Variants in CEP131 observed in about 807,000 individuals in gnomAD.
CEP131 encodes centrosomal protein 131.
Under a neutral mutation model 136.8 loss-of-function variants are expected in CEP131, and 99 were observed. That is an observed-to-expected ratio of 0.72 (90% CI 0.62 to 0.86). The LOEUF (loss-of-function observed/expected upper bound fraction) is 0.86, where lower values mean the gene tolerates loss of function less well. CEP131 is among the 40% of genes least tolerant of loss of function. The probability of loss-of-function intolerance (pLI) is 0.00; values close to 1 mark genes in which losing one functional copy is unlikely to be tolerated. For missense variants in CEP131, 1,459 were observed against 1,463.0 expected (o/e 1.00, Z 0.04); for synonymous variants, 646 against 612.7 (o/e 1.05, Z -0.80).
At chr17:81,214,245 C>G (rs2062194651) in intron 2 of CEP131, among the ~76,000 whole-genome samples, 1 of 152,200 alleles carries the variant, frequency 6.6e-6, no homozygotes. Context: ...ACTATACTAA[C>G]ATAAAAGGTT....
chr17:81,216,849 C>G (rs74992076), intron 2 of CEP131, among the ~76,000 whole-genome samples: 7,027 of 152,246 alleles, frequency 0.046, 238 homozygotes, highest in African/African-American at 0.1. Context: ...ATCCTGTCTC[C>G]ATTTTCCTGG....
chr17:81,196,563 G>T (rs190872516), intron 15 of CEP131, 138 bp downstream of exon 15: 12 of 1,327,298 alleles, frequency 9.0e-6, no homozygotes, highest in Non-Finnish European at 1.2e-5. Context: ...CATGGGAAAG[G>T]CTTGGAATGC....
In CEP131 at chr17:81,189,737, C is replaced by T. The variant is rs2146463683; in HGVS notation, c.*32G>A. The T allele has an allele frequency of 6.4e-7, 1 of 1,564,914 alleles. No homozygotes were observed. The highest frequency in any genetic ancestry group is 1.3e-5 in the African/African-American group (1 of 74,200). On this transcript the variant is annotated 3_prime_UTR_variant, in exon 26 of 26. Transcript: ENST00000450824. ...ACGTCCAGCCTCTGTCCTCTGCCTT[C>T]CGTTCTTCGACAGTGTTCCCGGCAT...
chr17:81,208,295 G>C lies in CEP131; in HGVS notation c.272+633C>G, dbSNP rs1183008177. ...TCCACCCGGGGCCCTTGGTGACCCA[G>C]AACTCAGCCTTCATTAGGTCCACGG... On this transcript the variant is annotated intron_variant, in intron 3 of 25. Coordinates refer to ENST00000450824, the MANE Select transcript of CEP131 (RefSeq NM_014984.4). This position sits in a 1 kb window ranked among gnomAD's most constrained non-coding sequence, Gnocchi z 5.6. Among the ~76,000 whole-genome samples the C allele has an allele frequency of 6.6e-6, 1 of 152,232 alleles. No homozygotes were observed. The highest frequency in any genetic ancestry group is 1.9e-4 in the East Asian group (1 of 5,182).
intron 18 of CEP131, among the ~76,000 whole-genome samples, chr17:81,193,667 AC>A (rs1316223889): frequency 3.3e-5 from 5 of 151,998 alleles, no homozygotes; most frequent in African/African-American, 1.2e-4. Context: ...CCCAGCCCTG[AC>A]CCTGGGAAAA....
At chr17:81,192,680 G>C in intron 19 of CEP131, 56 bp downstream of exon 19, 3 of 818,094 alleles carry the variant, frequency 3.7e-6, no homozygotes, top group Non-Finnish European at 5.9e-6. Context: ...GGGCGGGGGG[G>C]AGGGGTCAGC....
intron 5 of CEP131, 47 bp downstream of exon 5, chr17:81,206,695 CCA>C (rs1350293372): frequency 1.3e-6 from 2 of 1,569,026 alleles, no homozygotes; most frequent in African/African-American, 2.7e-5. Flanking sequence ...AGTCTCCACT[CCA>C]GGAGCTTCCC....
Position 81,196,726 on chromosome 17 carries a change from T to C in CEP131, c.1874A>G (p.Gln625Arg). The C allele has an allele frequency of 6.2e-7, 1 of 1,605,694 alleles. No homozygotes were observed. The highest frequency in any genetic ancestry group is 8.5e-7 in the Non-Finnish European group (1 of 1,178,344). Reference sequence around the variant, plus strand: ...CTGGTCAATGAAGGCCAAGTGCCGCTGGATGGTGGCCTCGTAGTGCTCCCT... The same window carrying C: ...CTGGTCAATGAAGGCCAAGTGCCGCCGGATGGTGGCCTCGTAGTGCTCCCT... ...RQREHYEATIQRHLAFIDQLI... is the reference protein window; with the variant it reads ...RQREHYEATIRRHLAFIDQLI... Residue 625 changes from glutamine (Q) to arginine (R), a missense_variant, in exon 15 of 26, where the codon CAG becomes CGG. By Grantham distance (43) the Gln-to-Arg change is conservative. Coordinates refer to ENST00000450824, the MANE Select transcript of CEP131 (RefSeq NM_014984.4).
At chr17:81,196,427 A>G (rs1305293857) in intron 15 of CEP131, among the ~76,000 whole-genome samples, 2 of 152,230 alleles carry the variant, frequency 1.3e-5, no homozygotes, top group Admixed American at 6.5e-5. Flanking sequence ...TCTTCTCTTC[A>G]GAACAGGAGC....
intron 5 of CEP131, chr17:81,204,075 C>G (rs1378628291): frequency 6.4e-6 from 1 of 157,390 alleles, no homozygotes; most frequent in Non-Finnish European, 1.4e-5. Context: ...CATCTGCAGA[C>G]CTGGAGGATT....
chr17:81,202,284 C>A lies in CEP131; in HGVS notation c.744G>T (p.Thr248=). 6.2e-7 allele frequency: 1 copy of A among 1,612,790 alleles called. No individual in the cohort carries two copies. The highest frequency in any genetic ancestry group is 8.5e-7 in the Non-Finnish European group (1 of 1,179,592). The change falls in exon 7 of 26, where the codon ACG becomes ACT. Residue 248 remains threonine, a synonymous_variant. Transcript: ENST00000450824. The stretch of plus-strand genomic sequence containing the variant: ...TCACCTCCTTCCGCCTGGGCAAGCC[C>A]GTGCTGCCCCCAGTATTGTTCCGGG... ...HSARNNTGGS[T]GLPRRKEVTE...
chr17:81,204,773 C>CGCACCAG (rs1410504967), intron 5 of CEP131, among the ~76,000 whole-genome samples: 2 of 150,858 alleles, frequency 1.3e-5, no homozygotes, highest in African/African-American at 5.0e-5. Flanking sequence ...TGCACCGGAC[C>CGCACCAG]GCACCAGGCA....
rs577743363 is a variant in CEP131 at position 81,199,574 on chromosome 17, C to T, written c.1024-25G>A. ...CCTGCAGTGGGAGCATCGCTGAGCA[C>T]TGTCCCTGGGAGAGGACGACCCCAG... On this transcript the variant is annotated intron_variant, in intron 9 of 25. Coordinates refer to ENST00000450824, the MANE Select transcript of CEP131 (RefSeq NM_014984.4). 1.4e-5 allele frequency: 22 copies of T among 1,598,632 alleles called. No individual in the cohort carries two copies. In the East Asian group the frequency reaches 5.0e-4, roughly 36 times the overall value.
intron 2 of CEP131, among the ~76,000 whole-genome samples, chr17:81,213,544 G>A (rs371354182): frequency 4.1e-5 from 6 of 147,776 alleles, no homozygotes; most frequent in South Asian, 2.1e-4. Flanking sequence ...GGGCGACAGC[G>A]TGAGACACTG....
Position 81,199,519 on chromosome 17 carries a change from G to A in CEP131, c.1054C>T (p.Gln352Ter). Reference sequence around the variant, plus strand: ...CCACGCTCGGCAGTGCTCGCCTTCTGGGCTCTCAGGGCTCGTTTCTGTTGC... The same window carrying A: ...CCACGCTCGGCAGTGCTCGCCTTCTAGGCTCTCAGGGCTCGTTTCTGTTGC... ...ELQQKRALRAQKASTAERGPP... is the reference protein window; with the variant it reads ...ELQQKRALRA The change falls in exon 10 of 26, where the codon CAG (glutamine) becomes TAG (stop). Residue 352 changes from glutamine (Q) to a stop codon, truncating the protein, a stop_gained. Coordinates refer to ENST00000450824, the MANE Select transcript of CEP131 (RefSeq NM_014984.4). LOFTEE classifies it high-confidence loss of function. The A allele has an allele frequency of 1.1e-5, 18 of 1,607,462 alleles. No homozygotes were observed. Among genetic ancestry groups the A allele is most frequent in the Non-Finnish European group, 1.5e-5 (18 of 1,177,464 alleles).
At position 81,194,004 on chromosome 17, in the gene CEP131, T is replaced by C; in HGVS notation, c.2243A>G (p.Gln748Arg). The part of the protein sequence containing the change: ...DERASQRCLR[Q>R]AEELREQLER... ...CAGCTGCTCCCGCAGCTCCTCGGCCTGGCGCAGGCAGCGCTGCGAGGCCCG... is the reference window on the plus strand; with the variant it reads ...CAGCTGCTCCCGCAGCTCCTCGGCCCGGCGCAGGCAGCGCTGCGAGGCCCG... The change falls in exon 18 of 26, where the codon CAG becomes CGG. Residue 748 changes from glutamine (Q) to arginine (R), a missense_variant. By Grantham distance (43) the Gln-to-Arg change is conservative. Coordinates refer to ENST00000450824, the MANE Select transcript of CEP131 (RefSeq NM_014984.4). 1.3e-6 allele frequency: 2 copies of C among 1,559,016 alleles called. No individual in the cohort carries two copies. The highest frequency in any genetic ancestry group is 1.7e-6 in the Non-Finnish European group (2 of 1,152,752).
chr17:81,207,912 CCACATAA>C (rs2062043131), intron 3 of CEP131, among the ~76,000 whole-genome samples: 1 of 1,206 alleles, frequency 8.3e-4, no homozygotes, highest in African/African-American at 3.0e-3. Flanking sequence ...ACCACACACA[CCACATAA>C]CACACACACC....
intron 19 of CEP131, 51 bp downstream of exon 19, chr17:81,192,685 G>GGGGGGGCCC: frequency 4.2e-6 from 2 of 478,430 alleles, no homozygotes; most frequent in Non-Finnish European, 8.1e-6. Context: ...GGGGGGAGGG[G>GGGGGGGCCC]TCAGCCAGCG....
chr17:81,216,003 A>T (rs1379341544), intron 2 of CEP131, among the ~76,000 whole-genome samples: 4 of 152,020 alleles, frequency 2.6e-5, no homozygotes, highest in African/African-American at 9.7e-5. Context: ...AGGTGGGAGG[A>T]TCGCTTCAGC....
Sources: allele counts gnomAD v4.1 joint callset (sites outside exome capture counted in the v4.1 genomes callset), GRCh38; gene constraint gnomAD v4.1.1; non-coding constraint Gnocchi (gnomAD v3.1); transcripts MANE v1.5; gene names NCBI Gene and HGNC (gene_info 2026-07-23, HGNC 2026-07-21).